DNAJB14: variants seen among roughly 807,000 people sequenced by gnomAD.
The protein encoded by DNAJB14 is DnaJ heat shock protein family (Hsp40) member B14.
In DNAJB14, 22 loss-of-function variants were observed where a neutral mutation model predicts 48.4. The ratio of observed to expected loss-of-function variants is 0.45; its 90% CI spans 0.32 to 0.65. The LOEUF (loss-of-function observed/expected upper bound fraction) is 0.65. DNAJB14 is among the 30% of genes least tolerant of loss of function. DNAJB14 has a pLI of 0.03. For missense variants in DNAJB14, 319 were observed against 458.8 expected (o/e 0.70, Z 2.78); for synonymous variants, 142 against 158.7 (o/e 0.89, Z 0.79).
rs1725200848 is a variant in DNAJB14 at position 99,898,648 on chromosome 4, T to C, written c.*2380A>G. On this transcript the variant is annotated 3_prime_UTR_variant, in exon 8 of 8. Transcript: ENST00000442697. ...TTAATAAATATAAGTGCTGCTAAAC[T>C]GTTAGAATACCAGTTAGAGGAGCTA... The C allele has an allele frequency of 6.6e-6, 1 of 151,956 alleles. No individual in the cohort carries two copies. The highest frequency in any genetic ancestry group is 1.5e-5 in the Non-Finnish European group (1 of 67,832). The allele number at this position is 151,956 out of a possible 1,614,324, so 9.4% of individuals were successfully genotyped here. A position where few individuals can be genotyped will look rare whatever the true frequency, so the allele number is the denominator to read the frequency against.
At position 99,930,714 on chromosome 4, in the gene DNAJB14, T is replaced by G. The variant is rs553413683; in HGVS notation, c.134-93A>C. On this transcript the variant is annotated intron_variant, in intron 1 of 7. Coordinates refer to ENST00000442697, the MANE Select transcript of DNAJB14 (RefSeq NM_001031723.4). ...GTTTTAAAGCAGACAAATTATGAAG[T>G]GTGTTCTCCAAAAAGATTCACCATA... 2.2e-6 allele frequency: 3 copies of G among 1,354,508 alleles called. No individual in the cohort carries two copies. The South Asian group carries it at 4.9e-5, about 22-fold the overall frequency. 83.9% of individuals were successfully genotyped at this position (1,354,508 alleles called of 1,614,324 possible).
chr4:99,945,930 A>G (rs1040995659), intron 1 of DNAJB14, among the ~76,000 whole-genome samples: 1 of 152,204 alleles, frequency 6.6e-6, no homozygotes, highest in Non-Finnish European at 1.5e-5. Flanking sequence ...TCTCCCAGGG[A>G]AAAGCAATGT....
intron 3 of DNAJB14, chr4:99,910,208 G>A (rs1168334177): frequency 6.6e-6 from 1 of 152,026 alleles, no homozygotes; most frequent in Non-Finnish European, 1.5e-5. Flanking sequence ...CCTGCTGAAT[G>A]AAAAATTAGG....
intron 5 of DNAJB14, chr4:99,905,908 A>C: frequency 7.5e-7 from 1 of 1,335,172 alleles, no homozygotes; most frequent in Non-Finnish European, 9.8e-7. Context: ...TTTGAAAAAC[A>C]CTGATAAAAT....
chr4:99,946,223 G>A (rs1727064656), intron 1 of DNAJB14, among the ~76,000 whole-genome samples: 1 of 152,208 alleles, frequency 6.6e-6, no homozygotes, highest in South Asian at 2.1e-4. Flanking sequence ...GGGTGCAGAG[G>A]AACCTCGCGC....
intron 1 of DNAJB14, among the ~76,000 whole-genome samples, chr4:99,938,987 A>C (rs1040486457): frequency 3.9e-5 from 6 of 152,210 alleles, no homozygotes; most frequent in African/African-American, 1.4e-4. Context: ...TCTTTATATA[A>C]ATATTTCGGC....
chr4:99,936,928 T>C (rs966825866), intron 1 of DNAJB14, among the ~76,000 whole-genome samples: 3 of 152,212 alleles, frequency 2.0e-5, no homozygotes, highest in African/African-American at 7.2e-5. Flanking sequence ...AACCAATGGA[T>C]GCTACAAAGA....
intron 2 of DNAJB14, chr4:99,923,842 C>T: frequency 1.0e-6 from 1 of 984,924 alleles, no homozygotes; most frequent in Non-Finnish European, 1.2e-6. Context: ...CCCGGCCATC[C>T]CCGTTATGCC....
intron 3 of DNAJB14, among the ~76,000 whole-genome samples, chr4:99,918,146 C>T (rs1274501063): frequency 6.6e-6 from 1 of 152,140 alleles, no homozygotes; most frequent in Non-Finnish European, 1.5e-5. Context: ...GTCTCTGAGG[C>T]TATGTCCTTT....
chr4:99,898,988 AT>A lies in DNAJB14; in HGVS notation c.*2039del, dbSNP rs1412799048. ...AGTCTGTCATTTCTCACTGCAGAAA[AT>A]TTTATCAAACACATTTTCCCTAGCA... On this transcript the variant is annotated 3_prime_UTR_variant, in exon 8 of 8. Coordinates refer to ENST00000442697, the MANE Select transcript of DNAJB14 (RefSeq NM_001031723.4). 1 of 151,942 alleles carries A rather than the reference AT, an allele frequency of 6.6e-6. No individual in the cohort carries two copies. The highest frequency in any genetic ancestry group is 2.4e-5 in the African/African-American group (1 of 41,438). 9.4% of individuals were successfully genotyped at this position (151,942 alleles called of 1,614,324 possible). A position where few individuals can be genotyped will look rare whatever the true frequency, so the allele number is the denominator to read the frequency against.
chr4:99,913,027 A>G lies in DNAJB14; in HGVS notation c.452-4131T>C, dbSNP rs73832917. 2.6e-3 allele frequency among the ~76,000 whole-genome samples: 403 copies of G among 152,176 alleles called. 4 individuals carry two copies. The highest frequency in any genetic ancestry group is 9.3e-3 in the African/African-American group (388 of 41,522). ...TAGAAATGCAATTAATTTTTTGTAG[A>G]TTTATATTGTGTCCTGCAATCTTAC... On this transcript the variant is annotated intron_variant, in intron 3 of 7. Coordinates refer to ENST00000442697, the MANE Select transcript of DNAJB14 (RefSeq NM_001031723.4).
chr4:99,920,416 C>A (rs986744473), intron 3 of DNAJB14, among the ~76,000 whole-genome samples: 2 of 152,144 alleles, frequency 1.3e-5, no homozygotes, highest in African/African-American at 4.8e-5. Context: ...GTCAAGCAAA[C>A]ACATAAACAA....
At chr4:99,903,368 A>T (rs1040091281) in intron 7 of DNAJB14, among the ~76,000 whole-genome samples, 5 of 152,044 alleles carry the variant, frequency 3.3e-5, no homozygotes, top group African/African-American at 1.2e-4. Context: ...CTCTGAAAAC[A>T]GTATGCATCT....
rs549663909 is a variant in DNAJB14 at position 99,912,711 on chromosome 4, T to C, written c.452-3815A>G. On this transcript the variant is annotated intron_variant, in intron 3 of 7. Transcript: ENST00000442697. ...TCAGGCTGGTCTAAAGCTCCCGATC[T>C]CAGGTGATCTGCCCACCTCGGCCTC... 1.6e-3 allele frequency among the ~76,000 whole-genome samples: 248 copies of C among 152,292 alleles called. 1 individual carries two copies. Among genetic ancestry groups the C allele is most frequent in the African/African-American group, 5.6e-3 (232 of 41,568 alleles).
chr4:99,930,279 G>T, intron 2 of DNAJB14, 171 bp downstream of exon 2: 1 of 486,136 alleles, frequency 2.1e-6, no homozygotes, highest in Non-Finnish European at 3.4e-6. Flanking sequence ...CTATAGAGTT[G>T]GTACTTTACA....
At position 99,900,960 on chromosome 4, in the gene DNAJB14, T is replaced by G; in HGVS notation, c.*68A>C. 16 of 1,514,646 alleles carry G rather than the reference T, an allele frequency of 1.1e-5. No individual in the cohort carries two copies. Among genetic ancestry groups the G allele is most frequent in the Non-Finnish European group, 1.4e-5 (16 of 1,125,234 alleles). 93.8% of individuals were successfully genotyped at this position (1,514,646 alleles called of 1,614,324 possible). A position where few individuals can be genotyped will look rare whatever the true frequency, so the allele number is the denominator to read the frequency against. ...ATCAAATCTTTTCCTTCATCCCTCA[T>G]GATGAAACCAAACTTACTTACAGAA... On this transcript the variant is annotated 3_prime_UTR_variant, in exon 8 of 8. Transcript: ENST00000442697.
intron 1 of DNAJB14, among the ~76,000 whole-genome samples, chr4:99,943,774 A>G (rs560915462): frequency 1.3e-5 from 2 of 152,288 alleles, no homozygotes; most frequent in Admixed American, 1.3e-4. Context: ...ATAATGACTA[A>G]ATGAAATCAT....
chr4:99,906,473 T>G, intron 5 of DNAJB14, 44 bp downstream of exon 5: 18 of 1,572,604 alleles, frequency 1.1e-5, no homozygotes, highest in Non-Finnish European at 1.5e-5. Flanking sequence ...TTACTTTTCC[T>G]GAGCTGAAAT....
intron 1 of DNAJB14, among the ~76,000 whole-genome samples, chr4:99,934,055 C>T (rs1016115098): frequency 2.0e-5 from 3 of 152,136 alleles, no homozygotes; most frequent in Non-Finnish European, 2.9e-5. Context: ...CTAGTCACTA[C>T]ATGCCCTCAA....
Sources: allele counts gnomAD v4.1 joint callset (sites outside exome capture counted in the v4.1 genomes callset), GRCh38; gene constraint gnomAD v4.1.1; transcripts MANE v1.5; gene names NCBI Gene and HGNC (gene_info 2026-07-23, HGNC 2026-07-21).